CAMTA1: variants seen among roughly 807,000 people sequenced by gnomAD.
CAMTA1 encodes calmodulin binding transcription activator 1, also known as calmodulin-binding transcription activator 1.
Under a neutral mutation model 170.9 loss-of-function variants are expected in CAMTA1, and 27 were observed. The observed-to-expected ratio is 0.16, with a 90% CI of 0.12 to 0.22. The LOEUF is 0.22. CAMTA1 is among the 10% of genes least tolerant of loss of function. CAMTA1 has a pLI of 1.00. For synonymous variants in CAMTA1, 833 were observed against 891.5 expected (o/e 0.93, Z 1.17); for missense variants, 1,619 against 2,217.2 (o/e 0.73, Z 5.42).
At chr1:7,491,901 G>A (rs916954137) in intron 6 of CAMTA1, among the ~76,000 whole-genome samples, 13 of 152,188 alleles carry the variant, frequency 8.5e-5, no homozygotes, top group African/African-American at 2.2e-4. Flanking sequence ...GTGTTCCGAC[G>A]AAACAAAGAC....
chr1:7,614,859 CACTTAA>C (rs2095548709), intron 6 of CAMTA1, among the ~76,000 whole-genome samples: 3 of 152,152 alleles, frequency 2.0e-5, no homozygotes, highest in Non-Finnish European at 4.4e-5. Context: ...CATCTGCATC[CACTTAA>C]CCTCCATCAG....
At chr1:7,317,903 G>C (rs1677774410) in intron 5 of CAMTA1, among the ~76,000 whole-genome samples, 1 of 152,172 alleles carries the variant, frequency 6.6e-6, no homozygotes, top group Non-Finnish European at 1.5e-5. Flanking sequence ...TTCCTGCCTA[G>C]GGCACATTTC....
In CAMTA1 at chr1:7,454,463, G is replaced by A. The variant is rs74346528; in HGVS notation, c.439-13367G>A. The stretch of plus-strand genomic sequence containing the variant: ...CATCCTTCATCCCCTCCCTACTAAT[G>A]AGGACATTGTGATTCAGTGTCGCGG... On this transcript the variant is annotated intron_variant, in intron 5 of 22. Coordinates refer to ENST00000303635, the MANE Select transcript of CAMTA1 (RefSeq NM_015215.4). Among the ~76,000 whole-genome samples the A allele has an allele frequency of 3.9e-3, 596 of 152,296 alleles. 2 individuals are homozygous for A. The highest frequency in any genetic ancestry group is 0.013 in the African/African-American group (550 of 41,568).
At chr1:6,872,297 TTTCA>T (rs1157865332) in intron 3 of CAMTA1, among the ~76,000 whole-genome samples, 1 of 152,032 alleles carries the variant, frequency 6.6e-6, no homozygotes, top group Non-Finnish European at 1.5e-5. Context: ...CTTATCTTTC[TTTCA>T]GAAATAGTAG....
At chr1:7,564,272 A>G (rs2095004371) in intron 6 of CAMTA1, among the ~76,000 whole-genome samples, 1 of 152,154 alleles carries the variant, frequency 6.6e-6, no homozygotes, top group South Asian at 2.1e-4. Flanking sequence ...TCTCTCCCTG[A>G]GGAGGAGACG....
rs1162579479 is a variant in CAMTA1, at chr1:7,443,801, G to A, written c.439-24029G>A. Among the ~76,000 whole-genome samples the A allele has an allele frequency of 6.6e-6, 1 of 152,058 alleles. No homozygotes were observed. Among genetic ancestry groups the A allele is most frequent in the Non-Finnish European group, 1.5e-5 (1 of 68,002 alleles). On this transcript the variant is annotated intron_variant, in intron 5 of 22. Coordinates refer to ENST00000303635, the MANE Select transcript of CAMTA1 (RefSeq NM_015215.4). This position sits in a 1 kb window ranked among gnomAD's most constrained non-coding sequence, Gnocchi z 4.1. ...TCTGCACCCTCTTTTCCATTTATTT[G>A]TACCTCCTGATATCCTGTCCAGGGT...
At chr1:7,115,944 A>G (rs1644306393) in intron 4 of CAMTA1, among the ~76,000 whole-genome samples, 1 of 152,204 alleles carries the variant, frequency 6.6e-6, no homozygotes, top group Non-Finnish European at 1.5e-5. Context: ...GCTGATTCAA[A>G]TGTTAATCTC....
At chr1:7,018,552 G>A (rs961268646) in intron 3 of CAMTA1, among the ~76,000 whole-genome samples, 17 of 151,872 alleles carry the variant, frequency 1.1e-4, no homozygotes, top group African/African-American at 3.4e-4. Context: ...CCTCTCTCCC[G>A]CTTCTCCTTG....
chr1:6,842,396 A>C (rs1438869838), intron 3 of CAMTA1, among the ~76,000 whole-genome samples: 3 of 152,220 alleles, frequency 2.0e-5, no homozygotes, highest in Non-Finnish European at 4.4e-5. Flanking sequence ...GGTGGTTCGC[A>C]GCCCTGCTGC....
At chr1:6,942,904 C>A (rs1686896126) in intron 3 of CAMTA1, among the ~76,000 whole-genome samples, 1 of 152,154 alleles carries the variant, frequency 6.6e-6, no homozygotes, top group Non-Finnish European at 1.5e-5. Context: ...CTCAGAGTGG[C>A]CCCTGGGCAG....
chr1:6,884,645 T>C (rs959384156), intron 3 of CAMTA1, among the ~76,000 whole-genome samples: 4 of 152,182 alleles, frequency 2.6e-5, no homozygotes, highest in African/African-American at 9.7e-5. Flanking sequence ...AAAATTACCC[T>C]CAAAAATCCT....
At chr1:7,537,737 C>G (rs1191082884) in intron 6 of CAMTA1, among the ~76,000 whole-genome samples, 1 of 152,168 alleles carries the variant, frequency 6.6e-6, no homozygotes, top group African/African-American at 2.4e-5. Flanking sequence ...CTCTCTAGCC[C>G]CTGGAAGGAA....
intron 3 of CAMTA1, among the ~76,000 whole-genome samples, chr1:6,857,019 T>G (rs1005347140): frequency 2.0e-5 from 3 of 152,164 alleles, no homozygotes; most frequent in African/African-American, 7.2e-5. Flanking sequence ...AGGGTGTCCC[T>G]GTGAAGGGTT....
At chr1:7,080,389 A>G (rs984983150) in intron 3 of CAMTA1, among the ~76,000 whole-genome samples, 2 of 152,202 alleles carry the variant, frequency 1.3e-5, no homozygotes, top group African/African-American at 2.4e-5. Flanking sequence ...CTTGCTATAA[A>G]GACCTCAATA....
intron 5 of CAMTA1, among the ~76,000 whole-genome samples, chr1:7,433,854 A>G (rs1449717021): frequency 6.6e-6 from 1 of 152,124 alleles, no homozygotes; most frequent in Non-Finnish European, 1.5e-5. Context: ...TGGGATGTAC[A>G]GGAAAGGGAG....
At chr1:7,656,910 G>A (rs1469318908) in intron 7 of CAMTA1, among the ~76,000 whole-genome samples, 3 of 152,234 alleles carry the variant, frequency 2.0e-5, no homozygotes, top group East Asian at 1.9e-4. Context: ...CATCTTGTAC[G>A]AGGGCTAGGT....
intron 11 of CAMTA1, among the ~76,000 whole-genome samples, chr1:7,704,955 CG>C (rs1171947432): frequency 3.4e-5 from 1 of 29,094 alleles, no homozygotes; most frequent in African/African-American, 1.3e-4. Flanking sequence ...CGGCGGCCGG[CG>C]GGGGCGCGCG....
intron 5 of CAMTA1, among the ~76,000 whole-genome samples, chr1:7,324,586 T>C (rs1481234275): frequency 6.6e-6 from 1 of 152,146 alleles, no homozygotes; most frequent in Non-Finnish European, 1.5e-5. Flanking sequence ...TGTTTTTCCC[T>C]TTTCCATTTT....
At position 6,994,675 on chromosome 1, in the gene CAMTA1, C is replaced by CTT. The variant is rs148091916; in HGVS notation, c.235-96620_235-96619dup. Among the ~76,000 whole-genome samples the CTT allele has an allele frequency of 2.4e-3, 362 of 149,776 alleles. 6 individuals are homozygous for CTT. Among genetic ancestry groups the CTT allele is most frequent in the East Asian group, 9.6e-3 (49 of 5,116 alleles). On this transcript the variant is annotated intron_variant, in intron 3 of 22. Coordinates refer to ENST00000303635, the MANE Select transcript of CAMTA1 (RefSeq NM_015215.4). ...TGTTTTGTTCATTTTGTTTGAACTT[C>CTT]TTTTTTTTTTGAGACAAGGTCTGGC...
Sources: allele counts gnomAD v4.1 joint callset (sites outside exome capture counted in the v4.1 genomes callset), GRCh38; gene constraint gnomAD v4.1.1; non-coding constraint Gnocchi (gnomAD v3.1); transcripts MANE v1.5; gene names NCBI Gene and HGNC (gene_info 2026-07-23, HGNC 2026-07-21).